Variants in RBFOX1 observed in about 807,000 individuals in gnomAD.
RBFOX1 encodes the protein RNA binding fox-1 homolog 1.
Under a neutral mutation model 57.7 loss-of-function variants are expected in RBFOX1, and 8 were observed. The observed-to-expected ratio is 0.14, with a 90% confidence interval of 0.08 to 0.25. RBFOX1 has a LOEUF of 0.25. Ranked by LOEUF, RBFOX1 falls within the 10% of genes least tolerant of loss-of-function variation. The pLI is 1.00. For synonymous variants in RBFOX1, 326 were observed against 222.4 expected (o/e 1.47, Z -4.15); for missense variants, 611 against 548.5 (o/e 1.11, Z -1.14).
chr16:7,095,793 A>G (rs1023644068), intron 4 of RBFOX1, among the ~76,000 whole-genome samples: 2 of 151,992 alleles, frequency 1.3e-5, no homozygotes, highest in Non-Finnish European at 2.9e-5. Flanking sequence ...GAGACCGATC[A>G]TGAGGTCAGG....
intron 3 of RBFOX1, among the ~76,000 whole-genome samples, chr16:6,846,964 G>C (rs1039554062): frequency 1.3e-5 from 2 of 151,940 alleles, no homozygotes; most frequent in African/African-American, 4.8e-5. Context: ...CATGTCTTTG[G>C]GGGCAAAGTG....
intron 4 of RBFOX1, among the ~76,000 whole-genome samples, chr16:7,470,409 T>TTGGA (rs1376823581): frequency 4.6e-5 from 7 of 152,074 alleles, no homozygotes; most frequent in African/African-American, 1.4e-4. Context: ...AGTTGGTTGG[T>TTGGA]TGGATGGATG....
chr16:7,460,161 C>G (rs575265007), intron 4 of RBFOX1, among the ~76,000 whole-genome samples: 3 of 151,580 alleles, frequency 2.0e-5, no homozygotes, highest in South Asian at 4.2e-4. Flanking sequence ...TTTGCTTATC[C>G]TCTTAGGCTG....
chr16:7,198,976 T>C (rs1040238006), intron 4 of RBFOX1, among the ~76,000 whole-genome samples: 1 of 152,022 alleles, frequency 6.6e-6, no homozygotes, highest in African/African-American at 2.4e-5. Context: ...CTTAGAGAAA[T>C]GGTGTCCATC....
chr16:6,951,938 G>C (rs2080854777), intron 3 of RBFOX1, among the ~76,000 whole-genome samples: 1 of 152,190 alleles, frequency 6.6e-6, no homozygotes, highest in African/African-American at 2.4e-5. Flanking sequence ...GTTTCACCAT[G>C]TTGGTCAGGC....
chr16:6,938,638 T>C (rs2077779902), intron 3 of RBFOX1, among the ~76,000 whole-genome samples: 3 of 152,142 alleles, frequency 2.0e-5, no homozygotes, highest in Admixed American at 6.6e-5. Flanking sequence ...GAGGACAATC[T>C]AGGTTAAAGG....
chr16:6,716,873 A>C (rs1287937136), intron 3 of RBFOX1, among the ~76,000 whole-genome samples: 1 of 152,194 alleles, frequency 6.6e-6, no homozygotes, highest in Non-Finnish European at 1.5e-5. Flanking sequence ...TATCCTTCCA[A>C]AATCCATACA....
intron 1 of RBFOX1, among the ~76,000 whole-genome samples, chr16:5,425,692 C>G (rs537204691): frequency 1.3e-5 from 2 of 152,118 alleles, no homozygotes; most frequent in African/African-American, 4.8e-5. Context: ...GGTGCAGGGG[C>G]AGGGGAGAGT....
chr16:6,885,964 C>G (rs1016050366), intron 3 of RBFOX1, among the ~76,000 whole-genome samples: 7 of 152,178 alleles, frequency 4.6e-5, no homozygotes, highest in Admixed American at 3.9e-4. Flanking sequence ...TGTTTGCTGT[C>G]AAGAATCACA....
intron 4 of RBFOX1, among the ~76,000 whole-genome samples, chr16:7,287,725 A>C (rs539976192): frequency 6.6e-6 from 1 of 152,350 alleles, no homozygotes; most frequent in East Asian, 1.9e-4. Context: ...CTTTGAAAAT[A>C]TCTATGTAGA....
chr16:5,691,028 G>C (rs1275410620), intron 3 of RBFOX1, among the ~76,000 whole-genome samples: 2 of 152,092 alleles, frequency 1.3e-5, no homozygotes, highest in Non-Finnish European at 2.9e-5. Flanking sequence ...ACAAAATTTT[G>C]AGTACAGTGA....
intron 1 of RBFOX1, among the ~76,000 whole-genome samples, chr16:6,279,702 G>A (rs2076184248): frequency 2.0e-5 from 3 of 152,120 alleles, no homozygotes; most frequent in African/African-American, 7.2e-5. Flanking sequence ...TCTTTACTGA[G>A]GCTGTTGATG....
chr16:5,932,481 C>G (rs531688956), intron 4 of RBFOX1, among the ~76,000 whole-genome samples: 1 of 152,318 alleles, frequency 6.6e-6, no homozygotes, highest in East Asian at 1.9e-4. Flanking sequence ...GGACTCTAAG[C>G]AGACAGAGAC....
intron 1 of RBFOX1, among the ~76,000 whole-genome samples, chr16:5,295,019 G>T: frequency 2.0e-5 from 1 of 50,468 alleles, no homozygotes; most frequent in Admixed American, 2.7e-4. Flanking sequence ...GACAGAGTGA[G>T]ACTCTTAAAA....
intron 2 of RBFOX1, among the ~76,000 whole-genome samples, chr16:5,597,377 C>T (rs1210729981): frequency 6.7e-6 from 1 of 149,566 alleles, no homozygotes; most frequent in Non-Finnish European, 1.5e-5. Flanking sequence ...GGGGTGACCC[C>T]AGGCCAAAGC....
Position 6,585,577 on chromosome 16 carries a change from G to A in RBFOX1, c.-63-69026G>A, listed in dbSNP as rs137920097. Among the ~76,000 whole-genome samples the A allele has an allele frequency of 3.7e-3, 567 of 152,206 alleles. 4 individuals carry two copies. The highest frequency in any genetic ancestry group is 5.9e-3 in the Non-Finnish European group (403 of 68,010). ...AGATCTGTTTAATTCACTGCGGTGG[G>A]CTGGGTAGGACTCTTCCAGTCTTGT... On this transcript the variant is annotated intron_variant, in intron 2 of 15. Coordinates refer to ENST00000550418, the MANE Select transcript of RBFOX1 (RefSeq NM_018723.4).
intron 3 of RBFOX1, among the ~76,000 whole-genome samples, chr16:6,773,479 G>A (rs1016665346): frequency 5.4e-5 from 8 of 149,184 alleles, no homozygotes; most frequent in Non-Finnish European, 8.9e-5. Context: ...ATGTGTGGGT[G>A]TGGGGTATAT....
chr16:6,860,786 T>G (rs970815915), intron 3 of RBFOX1, among the ~76,000 whole-genome samples: 2 of 152,150 alleles, frequency 1.3e-5, no homozygotes, highest in African/African-American at 4.8e-5. Context: ...CAAAAAGTAA[T>G]TTGCAGCAGG....
chr16:6,865,304 G>C (rs761370375), intron 3 of RBFOX1, among the ~76,000 whole-genome samples: 11 of 151,940 alleles, frequency 7.2e-5, no homozygotes, highest in Non-Finnish European at 1.5e-4. Context: ...TGCCCGACCT[G>C]GAGTGGGTTT....
Sources: allele counts gnomAD v4.1 joint callset (sites outside exome capture counted in the v4.1 genomes callset), GRCh38; gene constraint gnomAD v4.1.1; transcripts MANE v1.5; gene names NCBI Gene and HGNC (gene_info 2026-07-23, HGNC 2026-07-21).